VPS8: variants seen among roughly 807,000 people sequenced by gnomAD.
VPS8 encodes the protein vacuolar protein sorting-associated protein 8 homolog.
Under a neutral mutation model 216.4 loss-of-function variants are expected in VPS8, and 129 were observed. That is an observed-to-expected ratio of 0.60 (90% CI 0.52 to 0.69). The LOEUF is 0.69. VPS8 is among the 30% of genes least tolerant of loss of function. The pLI is 0.00. For synonymous variants in VPS8, 571 were observed against 565.4 expected (o/e 1.01, Z -0.14); for missense variants, 1,531 against 1,683.5 (o/e 0.91, Z 1.59).
chr3:185,020,285 A>G (rs570033218), intron 45 of VPS8, among the ~76,000 whole-genome samples: 1 of 152,328 alleles, frequency 6.6e-6, no homozygotes, highest in Admixed American at 6.5e-5. Flanking sequence ...AAGAATATTG[A>G]TATGTCGAAG....
intron 25 of VPS8, chr3:184,901,314 C>T (rs745881369): frequency 9.0e-5 from 20 of 222,072 alleles, no homozygotes; most frequent in Non-Finnish European, 1.7e-4. Flanking sequence ...TTTTGAGAGT[C>T]ATCCATGTTG....
At chr3:184,877,057 G>A (rs1379340567) in intron 21 of VPS8, among the ~76,000 whole-genome samples, 1 of 152,158 alleles carries the variant, frequency 6.6e-6, no homozygotes, top group Non-Finnish European at 1.5e-5. Flanking sequence ...TTATACTAGA[G>A]TTCTTTCCAG....
At chr3:185,009,331 CTA>C in intron 45 of VPS8, among the ~76,000 whole-genome samples, 1 of 73,228 alleles carries the variant, frequency 1.4e-5, no homozygotes, top group Middle Eastern at 9.3e-3. Flanking sequence ...GCTAAATCAA[CTA>C]TACAATACCA....
intron 42 of VPS8, among the ~76,000 whole-genome samples, chr3:184,992,506 T>C (rs1194917651): frequency 2.0e-5 from 3 of 152,122 alleles, no homozygotes; most frequent in Admixed American, 6.6e-5. Flanking sequence ...TTGATAGTTT[T>C]GTGACTTAGA....
intron 29 of VPS8, among the ~76,000 whole-genome samples, chr3:184,923,180 T>TA (rs5855046): frequency 0.78 from 117,816 of 151,862 alleles, 46,623 homozygotes; most frequent in African/African-American, 0.88. Flanking sequence ...TGGAACTTTT[T>TA]ATAGATGTGT....
chr3:184,845,244 A>G (rs1247093685), intron 8 of VPS8, among the ~76,000 whole-genome samples: 3 of 152,160 alleles, frequency 2.0e-5, no homozygotes, highest in Non-Finnish European at 4.4e-5. Context: ...ACATGTATCC[A>G]TGGAATTTAA....
intron 2 of VPS8, chr3:184,825,104 A>T (rs905308306): frequency 3.7e-6 from 1 of 271,578 alleles, no homozygotes; most frequent in Non-Finnish European, 7.4e-6. Flanking sequence ...GGGTCTCGCC[A>T]TGTTGCCCAG....
At chr3:184,816,152 TTC>T (rs1011995549) in intron 1 of VPS8, 12 of 152,220 alleles carry the variant, frequency 7.9e-5, no homozygotes, top group African/African-American at 2.9e-4. Context: ...GTGATCATTT[TTC>T]TCTGTTATTT....
chr3:184,991,721 C>A (rs1179938882), intron 42 of VPS8, among the ~76,000 whole-genome samples: 1 of 151,750 alleles, frequency 6.6e-6, no homozygotes, highest in East Asian at 1.9e-4. Context: ...AAGAACTTGA[C>A]CAAAAGTATA....
At chr3:185,021,159 AT>A (rs1310686482) in intron 45 of VPS8, among the ~76,000 whole-genome samples, 1 of 152,226 alleles carries the variant, frequency 6.6e-6, no homozygotes, top group Non-Finnish European at 1.5e-5. Flanking sequence ...GTCAGGAATC[AT>A]TTTATTAACA....
chr3:184,965,544 G>A (rs9882662), intron 38 of VPS8, among the ~76,000 whole-genome samples: 72,886 of 152,056 alleles, frequency 0.48, 18,316 homozygotes, highest in Middle Eastern at 0.66. Context: ...CTAGGGCTCC[G>A]CTGTGTAATA....
chr3:184,988,328 G>C (rs947960681), intron 42 of VPS8, among the ~76,000 whole-genome samples: 2 of 152,178 alleles, frequency 1.3e-5, no homozygotes, highest in African/African-American at 4.8e-5. Flanking sequence ...GATCCATTTT[G>C]TGTTAATTTT....
intron 45 of VPS8, among the ~76,000 whole-genome samples, chr3:185,007,379 TG>T (rs1754415031): frequency 6.6e-6 from 1 of 152,256 alleles, no homozygotes; most frequent in Admixed American, 6.5e-5. Flanking sequence ...ATTTCACCTT[TG>T]ATTATTCCTA....
intron 21 of VPS8, among the ~76,000 whole-genome samples, chr3:184,876,729 G>A (rs1332981138): frequency 6.6e-6 from 1 of 152,136 alleles, no homozygotes; most frequent in East Asian, 1.9e-4. Flanking sequence ...TCTGCCTCCT[G>A]ACAGTTTCTC....
intron 44 of VPS8, among the ~76,000 whole-genome samples, chr3:184,996,961 G>C (rs930167623): frequency 2.0e-5 from 3 of 152,212 alleles, no homozygotes; most frequent in Non-Finnish European, 2.9e-5. Flanking sequence ...CGTTGTCTAA[G>C]ATGAGGAAGA....
At position 184,889,805 on chromosome 3, in the gene VPS8, C is replaced by CT. The variant is rs1398713523; in HGVS notation, c.1781+3654dup. Among the ~76,000 whole-genome samples, 7 of 152,202 alleles carry CT rather than the reference C, an allele frequency of 4.6e-5. No homozygotes were observed. In the East Asian group the frequency reaches 1.2e-3, roughly 25 times the overall value. ...TTTGCTTCTCACCATACTGGCTTTT[C>CT]TTTTTCATCAGAATGTTAAGATTCT... On this transcript the variant is annotated intron_variant, in intron 22 of 47. Transcript: ENST00000625842.
Position 184,916,691 on chromosome 3 carries a change from A to G in VPS8, c.2382+1217A>G, listed in dbSNP as rs148531051. 2.4e-3 allele frequency among the ~76,000 whole-genome samples: 360 copies of G among 152,298 alleles called. 1 individual carries two copies. The highest frequency in any genetic ancestry group is 0.01 in the Middle Eastern group (3 of 294). Reference sequence around the variant, plus strand: ...GATCTAGTTGGTTTAGGAAATTTTAAATGTCCAGAGGGGAACATAAGGGTA... The same window carrying G: ...GATCTAGTTGGTTTAGGAAATTTTAGATGTCCAGAGGGGAACATAAGGGTA... On this transcript the variant is annotated intron_variant, in intron 28 of 47. Transcript: ENST00000625842.
intron 39 of VPS8, among the ~76,000 whole-genome samples, chr3:184,968,129 A>G (rs1309831804): frequency 1.3e-5 from 2 of 152,242 alleles, no homozygotes; most frequent in African/African-American, 2.4e-5. Context: ...TCTCATATGA[A>G]TGAAATTATA....
intron 6 of VPS8, chr3:184,838,983 C>G: frequency 2.4e-6 from 1 of 410,212 alleles, no homozygotes; most frequent in Non-Finnish European, 4.3e-6. Flanking sequence ...TATTAGCCTT[C>G]TCCAGGTTTA....
Sources: gnomAD v4.1 joint callset for allele counts (sites outside exome capture counted in the v4.1 genomes callset) on GRCh38, gnomAD v4.1.1 for gene constraint, MANE v1.5 for transcripts, NCBI Gene and HGNC (gene_info 2026-07-23, HGNC 2026-07-21) for gene names.